Variants in ZC3H11A observed in about 807,000 individuals in gnomAD.
ZC3H11A encodes the protein zinc finger CCCH-type containing 11A, also known as zinc finger CCCH domain-containing protein 11A.
Under a neutral mutation model 90.8 loss-of-function variants are expected in ZC3H11A, and 22 were observed. That is an observed-to-expected ratio of 0.24 (90% CI 0.17 to 0.35). The LOEUF is 0.35. Ranked by LOEUF, ZC3H11A falls within the 10% of genes least tolerant of loss-of-function variation. The pLI, the probability that ZC3H11A is intolerant of heterozygous loss-of-function variation, is 1.00. For missense variants in ZC3H11A, 701 were observed against 964.9 expected (o/e 0.73, Z 3.62); for synonymous variants, 294 against 339.8 (o/e 0.87, Z 1.48).
At position 203,818,567 on chromosome 1, in the gene ZC3H11A, C is replaced by T. The variant is rs773276996; in HGVS notation, c.55-3C>T. The stretch of plus-strand genomic sequence containing the variant: ...AAATAGAGTGTTCTCTATTTGTTTA[C>T]AGGGTGACAGCTGCCCATTCCGTCA... On this transcript the variant is annotated splice_polypyrimidine_tract_variant and splice_region_variant and intron_variant, in intron 3 of 17. Transcript: ENST00000367210. 15 of 1,613,708 alleles carry T rather than the reference C, an allele frequency of 9.3e-6. No individual in the cohort carries two copies. In the Middle Eastern group the frequency reaches 4.9e-4, roughly 53 times the overall value.
intron 4 of ZC3H11A, among the ~76,000 whole-genome samples, chr1:203,821,933 AC>A (rs1678877835): frequency 6.6e-6 from 1 of 151,646 alleles, no homozygotes; most frequent in Non-Finnish European, 1.5e-5. Context: ...AATTTTTTGT[AC>A]TTTTAGTAGA....
intron 3 of ZC3H11A, among the ~76,000 whole-genome samples, chr1:203,818,236 C>T (rs1046125017): frequency 6.7e-6 from 1 of 150,050 alleles, no homozygotes; most frequent in Non-Finnish European, 1.5e-5. Context: ...CCATCAAAAG[C>T]TAGAGTTACA....
intron 4 of ZC3H11A, among the ~76,000 whole-genome samples, chr1:203,826,026 G>T: frequency 6.6e-6 from 1 of 152,134 alleles, no homozygotes; most frequent in Admixed American, 6.5e-5. Flanking sequence ...TTTGAAAATT[G>T]CTTCCAGGAA....
At chr1:203,815,320 T>C (rs761537140) in intron 2 of ZC3H11A, among the ~76,000 whole-genome samples, 5 of 144,838 alleles carry the variant, frequency 3.5e-5, no homozygotes, top group Admixed American at 7.3e-5. Context: ...GTTCAAGTGA[T>C]TCTTGTGCCT....
Position 203,830,925 on chromosome 1 carries a change from A to ATTTT in ZC3H11A, c.701-701_701-698dup, listed in dbSNP as rs774771270. ...GATTGCTCTGTATTTCCAACCCCCAATTTTTTTTTTTTTTTTTTTTTTTTT... is the reference window on the plus strand; with the variant it reads ...GATTGCTCTGTATTTCCAACCCCCAATTTTTTTTTTTTTTTTTTTTTTTTTTTTT... On this transcript the variant is annotated intron_variant, in intron 8 of 17. Coordinates refer to ENST00000367210, the MANE Select transcript of ZC3H11A (RefSeq NM_001376342.1). 3.9e-4 allele frequency among the ~76,000 whole-genome samples: 20 copies of ATTTT among 51,384 alleles called. 2 individuals carry two copies. Among genetic ancestry groups the ATTTT allele is most frequent in the East Asian group, 1.3e-3 (2 of 1,490 alleles). 33.7% of individuals were successfully genotyped at this position (51,384 alleles called of 152,430 possible).
At chr1:203,798,538 G>A in intron 1 of ZC3H11A, 1 of 1,536,142 alleles carries the variant, frequency 6.5e-7, no homozygotes, top group Non-Finnish European at 8.7e-7. Context: ...GAGACTGAGA[G>A]AAGTGATCTC....
intron 1 of ZC3H11A, chr1:203,796,371 C>A: frequency 2.5e-6 from 1 of 398,960 alleles, no homozygotes; most frequent in East Asian, 3.6e-5. Flanking sequence ...TACACCCATT[C>A]CCCACTCTCA....
In ZC3H11A at chr1:203,847,088, C is replaced by T. The variant is rs1688115175; in HGVS notation, c.1043-96C>T. 3 of 1,297,878 alleles carry T rather than the reference C, an allele frequency of 2.3e-6. No homozygotes were observed. The East Asian group carries it at 7.0e-5, about 30-fold the overall frequency. The allele number at this position is 1,297,878 out of a possible 1,614,324, so 80.4% of individuals were successfully genotyped here. A position where few individuals can be genotyped will look rare whatever the true frequency, so the allele number is the denominator to read the frequency against. On this transcript the variant is annotated intron_variant, in intron 12 of 17. Coordinates refer to ENST00000367210, the MANE Select transcript of ZC3H11A (RefSeq NM_001376342.1). Reference sequence around the variant, plus strand: ...TTAATTGCCTGCTTAAATGATAGCTCTCTGTTGGACTGTCTTGATCCAAGA... The same window carrying T: ...TTAATTGCCTGCTTAAATGATAGCTTTCTGTTGGACTGTCTTGATCCAAGA...
chr1:203,830,006 T>C (rs1681745344), intron 7 of ZC3H11A, 110 bp downstream of exon 7: 2 of 1,286,862 alleles, frequency 1.6e-6, no homozygotes, highest in African/African-American at 1.5e-5. Flanking sequence ...CACGCATACT[T>C]ACCTATACTT....
intron 4 of ZC3H11A, among the ~76,000 whole-genome samples, chr1:203,827,954 C>T (rs1681100113): frequency 6.6e-6 from 1 of 152,178 alleles, no homozygotes; most frequent in Non-Finnish European, 1.5e-5. Context: ...CCAAGGCCAC[C>T]TGGCCAATAA....
intron 4 of ZC3H11A, among the ~76,000 whole-genome samples, chr1:203,827,528 A>T (rs1389297474): frequency 6.6e-6 from 1 of 151,970 alleles, no homozygotes; most frequent in Non-Finnish European, 1.5e-5. Flanking sequence ...AAAATACAAA[A>T]AAAATTAGCC....
intron 10 of ZC3H11A, among the ~76,000 whole-genome samples, chr1:203,836,913 C>T (rs1392504767): frequency 6.6e-6 from 1 of 152,222 alleles, no homozygotes; most frequent in Non-Finnish European, 1.5e-5. Flanking sequence ...TTATGTGGCT[C>T]TTAAAGTCTT....
At chr1:203,836,408 C>G (rs546028795) in intron 10 of ZC3H11A, among the ~76,000 whole-genome samples, 4 of 152,134 alleles carry the variant, frequency 2.6e-5, no homozygotes, top group South Asian at 2.1e-4. Flanking sequence ...TCTAAAAAAC[C>G]GTTTTTAAAA....
At chr1:203,812,465 T>C (rs1040482664) in intron 2 of ZC3H11A, among the ~76,000 whole-genome samples, 1 of 152,200 alleles carries the variant, frequency 6.6e-6, no homozygotes, top group African/African-American at 2.4e-5. Flanking sequence ...TTGTTCCTTT[T>C]TATTGGATGC....
At chr1:203,851,632 T>G (rs1307970436) in intron 17 of ZC3H11A, among the ~76,000 whole-genome samples, 1 of 152,116 alleles carries the variant, frequency 6.6e-6, no homozygotes, top group Non-Finnish European at 1.5e-5. Context: ...GCCCGGCCCC[T>G]GAAAGATGTC....
chr1:203,845,330 T>G (rs1687598279), intron 12 of ZC3H11A, among the ~76,000 whole-genome samples: 1 of 151,990 alleles, frequency 6.6e-6, no homozygotes, highest in Non-Finnish European at 1.5e-5. Context: ...TTTCTTGGAG[T>G]GGTAATTTTG....
intron 2 of ZC3H11A, among the ~76,000 whole-genome samples, chr1:203,812,578 A>ATT (rs386369376): frequency 0.54 from 58,558 of 109,380 alleles, 16,558 homozygotes; most frequent in Non-Finnish European, 0.62. Flanking sequence ...GCCATTCTAA[A>ATT]TTTTTTTTTT....
At chr1:203,826,129 C>CTAAAAAATATGT (rs1680432301) in intron 4 of ZC3H11A, among the ~76,000 whole-genome samples, 5 of 152,122 alleles carry the variant, frequency 3.3e-5, no homozygotes, top group Non-Finnish European at 7.4e-5. Context: ...AATTGTTATT[C>CTAAAAAATATGT]CTGTCTAAAA....
chr1:203,804,309 G>T (rs1295656148), intron 2 of ZC3H11A, among the ~76,000 whole-genome samples: 1 of 151,850 alleles, frequency 6.6e-6, no homozygotes, highest in East Asian at 1.9e-4. Flanking sequence ...CCGCCACCTC[G>T]CCTGGCTAAC....
Sources: gnomAD v4.1 joint callset for allele counts (sites outside exome capture counted in the v4.1 genomes callset) on GRCh38, gnomAD v4.1.1 for gene constraint, MANE v1.5 for transcripts, NCBI Gene and HGNC (gene_info 2026-07-23, HGNC 2026-07-21) for gene names.